PADI4: variants seen among roughly 807,000 people sequenced by gnomAD.
The protein encoded by PADI4 is protein-arginine deiminase type-4.
In PADI4, 62 loss-of-function variants were observed where a neutral mutation model predicts 75.0. The ratio of observed to expected loss-of-function variants is 0.83; its 90% confidence interval spans 0.67 to 1.02. PADI4 has a LOEUF of 1.02. Ranked by LOEUF, PADI4 falls within the 50% of genes least tolerant of loss-of-function variation. The pLI is 0.00. For missense variants in PADI4, 845 were observed against 850.5 expected, an observed-to-expected ratio of 0.99 and a Z score of 0.08; for synonymous variants, 361 against 348.1, an observed-to-expected ratio of 1.04 and a Z score of -0.41.
chr1:17,317,627 C>G (rs1431049948), intron 1 of PADI4, among the ~76,000 whole-genome samples: 1 of 152,144 alleles, frequency 6.6e-6, no homozygotes, highest in African/African-American at 2.4e-5. Context: ...TCAGATTCCA[C>G]TCAAAAATCA....
Position 17,346,227 on chromosome 1 carries a change from G to C in PADI4, c.1047+88G>C. 2 of 747,972 alleles carry C rather than the reference G, an allele frequency of 2.7e-6. No individual in the cohort carries two copies. Among genetic ancestry groups the C allele is most frequent in the Admixed American group, 2.4e-5 (1 of 42,058 alleles). 46.3% of individuals were successfully genotyped at this position (747,972 alleles called of 1,614,324 possible). A position where few individuals can be genotyped will look rare whatever the true frequency, so the allele number is the denominator to read the frequency against. Reference sequence around the variant, plus strand: ...CCGGGCTCCTGGGGTTCAGCCTGGTGCCTCACCGGCCACTCTTCCTTAGAT... The same window carrying C: ...CCGGGCTCCTGGGGTTCAGCCTGGTCCCTCACCGGCCACTCTTCCTTAGAT... On this transcript the variant is annotated intron_variant, in intron 9 of 15. Coordinates refer to ENST00000375448, the MANE Select transcript of PADI4 (RefSeq NM_012387.3). The surrounding 1 kb of genome is among the most constrained non-coding windows in gnomAD (Gnocchi z 4.3).
At chr1:17,334,561 C>G (rs978187110) in intron 3 of PADI4, 1 of 455,432 alleles carries the variant, frequency 2.2e-6, no homozygotes, top group Non-Finnish European at 4.4e-6. Context: ...CCTCAGGCTC[C>G]CAAAGTGCTC....
At position 17,337,985 on chromosome 1, in the gene PADI4, T is replaced by C. The variant is rs12089685; in HGVS notation, c.409-53T>C. On this transcript the variant is annotated intron_variant, in intron 4 of 15. Transcript: ENST00000375448. ...GGAGTTGCTATGCCTCTTGCAAGAG[T>C]TGGAGGGCTCTATGCTAGTTTCTGA... 3,111 of 997,606 alleles carry C rather than the reference T, an allele frequency of 3.1e-3. 60 individuals carry two copies. In the African/African-American group the frequency reaches 0.041, roughly 13 times the overall value. The allele number at this position is 997,606 out of a possible 1,614,324, so 61.8% of individuals were successfully genotyped here.
chr1:17,353,669 G>A (rs1157621935), intron 10 of PADI4, among the ~76,000 whole-genome samples: 5 of 152,144 alleles, frequency 3.3e-5, no homozygotes, highest in African/African-American at 1.2e-4. Flanking sequence ...ATGGTAAAAG[G>A]GACTTTGCTG....
chr1:17,308,851 C>T (rs1201132197), intron 1 of PADI4, among the ~76,000 whole-genome samples: 6 of 152,124 alleles, frequency 3.9e-5, no homozygotes, highest in Non-Finnish European at 8.8e-5. Flanking sequence ...AACTGAGCCT[C>T]AGTTGCCTCA....
chr1:17,357,267 A>G (rs1054117905), intron 13 of PADI4, among the ~76,000 whole-genome samples: 3 of 152,120 alleles, frequency 2.0e-5, no homozygotes, highest in African/African-American at 4.8e-5. Context: ...TCCCGGGTTC[A>G]AGTGATTCTC....
intron 1 of PADI4, 90 bp from the exon 2 acceptor site, chr1:17,330,879 A>T: frequency 1.2e-6 from 1 of 815,238 alleles, no homozygotes; most frequent in Non-Finnish European, 1.9e-6. Context: ...ACCTAATATT[A>T]ACCATCACAA....
chr1:17,325,709 TC>T (rs2074106945), intron 1 of PADI4, among the ~76,000 whole-genome samples: 1 of 98,414 alleles, frequency 1.0e-5, no homozygotes, highest in Non-Finnish European at 2.0e-5. Flanking sequence ...CCTACCACGT[TC>T]CTGATTTTTT....
chr1:17,321,533 G>C (rs1253600665), intron 1 of PADI4, among the ~76,000 whole-genome samples: 1 of 152,260 alleles, frequency 6.6e-6, no homozygotes, highest in Non-Finnish European at 1.5e-5. Flanking sequence ...AGTGCCTGGA[G>C]CAGAGTAAAT....
At position 17,356,503 on chromosome 1, in the gene PADI4, C is replaced by A; in HGVS notation, c.1558+44C>A. ...GTTCTCCTGTCTGTGCACCTTCCTG[C>A]TTCCCATAGTCCGCTGTTGCCTGGA... On this transcript the variant is annotated intron_variant, in intron 13 of 15. Transcript: ENST00000375448. The surrounding 1 kb of genome is among the most constrained non-coding windows in gnomAD (Gnocchi z 4.1). 3 of 1,151,502 alleles carry A rather than the reference C, an allele frequency of 2.6e-6. No individual in the cohort carries two copies. Among genetic ancestry groups the A allele is most frequent in the Non-Finnish European group, 2.6e-6 (2 of 770,728 alleles). The allele number at this position is 1,151,502 out of a possible 1,614,324, so 71.3% of individuals were successfully genotyped here.
At chr1:17,313,185 G>C (rs1193599031) in intron 1 of PADI4, among the ~76,000 whole-genome samples, 1 of 150,904 alleles carries the variant, frequency 6.6e-6, no homozygotes, top group Admixed American at 6.6e-5. Flanking sequence ...GCGAGACTCT[G>C]CCTCAAAAAA....
rs1027245978 is a variant in PADI4, at chr1:17,338,054, G to T, written c.425G>T (p.Gly142Val). 6.2e-7 allele frequency: 1 copy of T among 1,612,836 alleles called. No homozygotes were observed. The highest frequency in any genetic ancestry group is 1.1e-5 in the South Asian group (1 of 91,052). The change falls in exon 5 of 16, where the codon GGC (glycine) becomes GTC (valine). Residue 142 changes from glycine (G) to valine (V), a missense_variant. Transcript: ENST00000375448. The part of the protein sequence containing the change: ...AVKDQRTWTW[G>V]PCGQGAILLV... ...GGTGTCCAGAGGACCTGGACCTGGG[G>T]CCCTTGTGGACAGGGTGCCATCCTG...
At chr1:17,354,465 T>C in intron 10 of PADI4, 68 bp from the exon 11 acceptor site, 1 of 1,435,962 alleles carries the variant, frequency 7.0e-7, no homozygotes, top group Non-Finnish European at 9.8e-7. Context: ...TCTCTAAACT[T>C]GGACCCCCCG....
rs1557576218 is a variant in PADI4, at chr1:17,351,976, TGATGGG to T, written c.1156-2556_1156-2551del. Among the ~76,000 whole-genome samples the T allele has an allele frequency of 5.8e-3, 343 of 58,878 alleles. 18 individuals carry two copies. The highest frequency in any genetic ancestry group is 0.022 in the Middle Eastern group (3 of 136). 38.6% of individuals were successfully genotyped at this position (58,878 alleles called of 152,430 possible). A position where few individuals can be genotyped will look rare whatever the true frequency, so the allele number is the denominator to read the frequency against. ...GTGGGAGGAGAGGCGGCCAGGGAGG[TGATGGG>T]AGGAGAGGCAGTCAGGGAGGTGATG... On this transcript the variant is annotated intron_variant, in intron 10 of 15. Coordinates refer to ENST00000375448, the MANE Select transcript of PADI4 (RefSeq NM_012387.3).
rs765948740 is a variant in PADI4, at chr1:17,342,025, C to T, written c.735C>T (p.His245=). 13 of 1,613,910 alleles carry T rather than the reference C, an allele frequency of 8.1e-6. No homozygotes were observed. Among genetic ancestry groups the T allele is most frequent in the Non-Finnish European group, 1.1e-5 (13 of 1,179,760 alleles). ...ACCTGATGGTCCCCGGTGGAAAGCA[C>T]AACATGGACTTCTACGTGGAGGCCC... The part of the protein sequence containing the change: ...SHYLMVPGGK[H]NMDFYVEALA... Residue 245 remains histidine (H), a synonymous_variant, in exon 7 of 16, where the codon CAC becomes CAT. Transcript: ENST00000375448.
rs2074377788 is a variant in PADI4, at chr1:17,339,611, CAGG to C, written c.527-73_527-71del. ...GGAGCGGTGGGGTGTGAGGCTCCAC[CAGG>C]AGGTGAGGTGGCTATGGGAAACCAG... On this transcript the variant is annotated intron_variant, in intron 5 of 15. Coordinates refer to ENST00000375448, the MANE Select transcript of PADI4 (RefSeq NM_012387.3). 3 of 1,543,818 alleles carry C rather than the reference CAGG, an allele frequency of 1.9e-6. No individual in the cohort carries two copies. The African/African-American group carries it at 4.1e-5, about 21-fold the overall frequency.
At chr1:17,317,221 T>C (rs1435265295) in intron 1 of PADI4, among the ~76,000 whole-genome samples, 1 of 152,102 alleles carries the variant, frequency 6.6e-6, no homozygotes, top group East Asian at 1.9e-4. Flanking sequence ...CCACCATGCC[T>C]GGCTGTGTGT....
Position 17,363,563 on chromosome 1 carries a change from GCCC to G in PADI4, c.1801_1803del (p.Pro601del). 1 of 1,613,928 alleles carries G rather than the reference GCCC, an allele frequency of 6.2e-7. No homozygotes were observed. Among genetic ancestry groups the G allele is most frequent in the East Asian group, 2.2e-5 (1 of 44,862 alleles). On this transcript the variant is annotated inframe_deletion, in exon 16 of 16. Transcript: ENST00000375448. ...TAGGGAAGCACCTGGGCATCCCCAA[GCCC>G]TTCGGGCCCGTCATCAACGGCCGCT...
chr1:17,314,116 G>A (rs562737793), intron 1 of PADI4, among the ~76,000 whole-genome samples: 2 of 152,264 alleles, frequency 1.3e-5, no homozygotes, highest in East Asian at 3.9e-4. Flanking sequence ...TCTTGAGGAA[G>A]CCACATGGGA....
Sources: allele counts gnomAD v4.1 joint callset (sites outside exome capture counted in the v4.1 genomes callset), GRCh38; gene constraint gnomAD v4.1.1; non-coding constraint Gnocchi (gnomAD v3.1); transcripts MANE v1.5; gene names NCBI Gene and HGNC (gene_info 2026-07-23, HGNC 2026-07-21).